Variants in HDAC4 observed in about 807,000 individuals in gnomAD.
HDAC4 encodes histone deacetylase A.
A neutral mutation model predicts 135.1 loss-of-function variants in HDAC4; 16 were observed. That is an observed-to-expected ratio of 0.12 (90% CI 0.08 to 0.18). The LOEUF is 0.18. Among genes scored for constraint, HDAC4 ranks in the 10% least tolerant of loss-of-function variants. The pLI is 1.00. For synonymous variants in HDAC4, 685 were observed against 653.4 expected (o/e 1.05, Z -0.74); for missense variants, 1,143 against 1,511.8 (o/e 0.76, Z 4.05).
rs375225974 is a variant in HDAC4, at chr2:239,081,117, C to G, written c.2728G>C (p.Ala910Pro). 1 of 1,613,826 alleles carries G rather than the reference C, an allele frequency of 6.2e-7. No individual in the cohort carries two copies. The highest frequency in any genetic ancestry group is 1.3e-5 in the African/African-American group (1 of 75,044). ...CACCTGAAGGCCGCCAAGTACTCAG[C>G]GTCTCCCATGGGGGGGTCCAGGCCG... is the stretch of plus-strand genomic sequence containing the variant. ...TGGLDPPMGD[A>P]EYLAAFRTVV... The change falls in exon 22 of 27, where the codon GCT (alanine) becomes CCT (proline). Residue 910 changes from alanine (A) to proline (P), a missense_variant. Physicochemically the swap from Ala to Pro is conservative, Grantham distance 27. Around this residue, in one of 9 missense-constraint regions of HDAC4, gnomAD observed 189 missense variants for 317.6 expected, o/e 0.60. Coordinates refer to ENST00000543185, the MANE Select transcript of HDAC4 (RefSeq NM_001378414.1).
intron 2 of HDAC4, among the ~76,000 whole-genome samples, chr2:239,284,867 C>G (rs1020138539): frequency 4.6e-5 from 7 of 152,114 alleles, no homozygotes; most frequent in Non-Finnish European, 8.8e-5. Flanking sequence ...GATCGGGAAA[C>G]TTTTGTTTCA....
At chr2:239,291,026 C>T (rs1196651566) in intron 2 of HDAC4, among the ~76,000 whole-genome samples, 2 of 152,232 alleles carry the variant, frequency 1.3e-5, no homozygotes, top group African/African-American at 2.4e-5. Flanking sequence ...AGGAAAGAGC[C>T]GTTCAGAAGG....
Position 239,139,774 on chromosome 2 carries a change from T to A in HDAC4, c.888A>T (p.Pro296=), listed in dbSNP as rs1378358272. The change falls in exon 9 of 27, where the codon CCA becomes CCT. Residue 296 remains proline (P), a synonymous_variant. Transcript: ENST00000543185. The surrounding 1 kb of genome is among the most constrained non-coding windows in gnomAD (Gnocchi z 5.3). ...DVTDSACSSA[P]GSGPSSPNNS... ...TGTTGGGTGAGCTGGGTCCGGAGCC[T>A]GGGGCGCTGCTGCACGCGGAGTCTG... The A allele has an allele frequency of 1.2e-6, 2 of 1,614,050 alleles. No homozygotes were observed. Among genetic ancestry groups the A allele is most frequent in the South Asian group, 2.2e-5 (2 of 91,076 alleles).
At chr2:239,269,332 CACAT>C (rs1349702099) in intron 2 of HDAC4, among the ~76,000 whole-genome samples, 7 of 148,744 alleles carry the variant, frequency 4.7e-5, no homozygotes, top group Non-Finnish European at 7.4e-5. Flanking sequence ...TTCACACACC[CACAT>C]ACATTCACAC....
intron 4 of HDAC4, among the ~76,000 whole-genome samples, chr2:239,178,187 C>A (rs1249986097): frequency 6.6e-6 from 1 of 152,224 alleles, no homozygotes; most frequent in Non-Finnish European, 1.5e-5. Context: ...AGCCTCTCTG[C>A]CACCCTCTGT....
At chr2:239,357,263 T>C (rs1693551343) in intron 1 of HDAC4, among the ~76,000 whole-genome samples, 1 of 152,038 alleles carries the variant, frequency 6.6e-6, no homozygotes, top group Non-Finnish European at 1.5e-5. Flanking sequence ...AAACACATCA[T>C]GAATCAAAGA....
chr2:239,243,745 T>C (rs778912693), intron 2 of HDAC4, among the ~76,000 whole-genome samples: 1 of 152,212 alleles, frequency 6.6e-6, no homozygotes, highest in Non-Finnish European at 1.5e-5. Flanking sequence ...AGACTTATCC[T>C]ATACTCTGCA....
At chr2:239,286,782 G>A (rs1052045398) in intron 2 of HDAC4, among the ~76,000 whole-genome samples, 19 of 152,232 alleles carry the variant, frequency 1.2e-4, no homozygotes, top group African/African-American at 4.6e-4. Context: ...GGCCGGCCAA[G>A]GATGAGAAGA....
At chr2:239,145,870 G>T (rs752245305) in intron 7 of HDAC4, among the ~76,000 whole-genome samples, 2 of 152,224 alleles carry the variant, frequency 1.3e-5, no homozygotes, top group Non-Finnish European at 2.9e-5. Flanking sequence ...TCTTTGGGAC[G>T]TGCAGACAGC....
At chr2:239,384,371 T>C (rs977780992) in intron 1 of HDAC4, among the ~76,000 whole-genome samples, 10 of 151,142 alleles carry the variant, frequency 6.6e-5, no homozygotes, top group African/African-American at 2.0e-4. Flanking sequence ...CCCAGAACTT[T>C]AGGTGGCCTA....
chr2:239,354,694 G>T (rs1693381305), intron 1 of HDAC4, among the ~76,000 whole-genome samples: 1 of 142,576 alleles, frequency 7.0e-6, no homozygotes. Context: ...TATGTTCATT[G>T]TATCTACAAC....
rs79566888 is a variant in HDAC4 at position 239,050,622 on chromosome 2, C to A, written c.*2475G>T. On this transcript the variant is annotated 3_prime_UTR_variant, in exon 27 of 27. Transcript: ENST00000543185. ...CCAAGTGAATCCAAGAATCTGCACT[C>A]ATTTGGTCAAAAGTTTGAGTTAATT... is the stretch of plus-strand genomic sequence containing the variant. 6.6e-6 allele frequency: 1 copy of A among 152,650 alleles called. No homozygotes were observed. The highest frequency in any genetic ancestry group is 2.4e-5 in the African/African-American group (1 of 41,436). The allele number at this position is 152,650 out of a possible 1,614,324, so 9.5% of individuals were successfully genotyped here.
intron 2 of HDAC4, among the ~76,000 whole-genome samples, chr2:239,259,924 G>A (rs1325032972): frequency 1.3e-5 from 2 of 152,184 alleles, no homozygotes; most frequent in Non-Finnish European, 2.9e-5. Flanking sequence ...TTGTCACACA[G>A]AGGGCATCTG....
At chr2:239,088,651 T>C (rs2152715292) in intron 18 of HDAC4, among the ~76,000 whole-genome samples, 1 of 152,260 alleles carries the variant, frequency 6.6e-6, no homozygotes, top group African/African-American at 2.4e-5. Flanking sequence ...GCAGCTTCTC[T>C]TAACAATGTG....
At chr2:239,298,373 C>T (rs1011082766) in intron 2 of HDAC4, 64 of 1,184,472 alleles carry the variant, frequency 5.4e-5, no homozygotes, top group Non-Finnish European at 6.6e-5. Flanking sequence ...AGTAGGGATC[C>T]GGAATCGCCA....
At chr2:239,369,158 G>C (rs747560498) in intron 1 of HDAC4, among the ~76,000 whole-genome samples, 1 of 152,212 alleles carries the variant, frequency 6.6e-6, no homozygotes, top group African/African-American at 2.4e-5. Context: ...TCCAAGAAAG[G>C]AGGGAAGGCT....
In HDAC4 at chr2:239,122,555, G is replaced by A. The variant is rs73097675; in HGVS notation, c.1533+3901C>T. 8.0e-3 allele frequency among the ~76,000 whole-genome samples: 1,220 copies of A among 152,324 alleles called. 20 individuals carry two copies. Among genetic ancestry groups the A allele is most frequent in the African/African-American group, 0.027 (1,117 of 41,580 alleles). On this transcript the variant is annotated intron_variant, in intron 12 of 26. Coordinates refer to ENST00000543185, the MANE Select transcript of HDAC4 (RefSeq NM_001378414.1). ...TGCATACAAGGCACGGGCAACAGAA[G>A]CTGACACAGTTGGAAAACATCTGCC...
At chr2:239,323,358 T>A (rs1414846365) in intron 2 of HDAC4, among the ~76,000 whole-genome samples, 1 of 152,162 alleles carries the variant, frequency 6.6e-6, no homozygotes, top group Non-Finnish European at 1.5e-5. Flanking sequence ...CAGCTAAATG[T>A]GGTCTGGCAG....
At chr2:239,179,002 T>C (rs1036854815) in intron 4 of HDAC4, among the ~76,000 whole-genome samples, 2 of 148,498 alleles carry the variant, frequency 1.3e-5, no homozygotes, top group Admixed American at 1.3e-4. Context: ...GCCCGAGGCA[T>C]AGAGTGGGGT....
Sources: gnomAD v4.1 joint callset for allele counts (sites outside exome capture counted in the v4.1 genomes callset) on GRCh38, gnomAD v4.1.1 for gene constraint, gnomAD v4.1.1 regional missense constraint, Gnocchi (gnomAD v3.1) non-coding constraint, MANE v1.5 for transcripts, NCBI Gene and HGNC (gene_info 2026-07-23, HGNC 2026-07-21) for gene names.